Variants in KCND2 observed in about 807,000 individuals in gnomAD.
KCND2 encodes the protein A-type voltage-gated potassium channel KCND2.
KCND2 carries 16 observed loss-of-function variants against 54.4 expected under a neutral mutation model. The ratio of observed to expected loss-of-function variants is 0.29; its 90% CI spans 0.20 to 0.45. KCND2 has a LOEUF of 0.45. Among genes scored for constraint, KCND2 ranks in the 20% least tolerant of loss-of-function variants. The pLI, the probability that KCND2 is intolerant of heterozygous loss-of-function variation, is 1.00. For missense variants in KCND2, 486 were observed against 824.2 expected, an observed-to-expected ratio of 0.59 and a Z score of 5.02; for synonymous variants, 317 against 310.7, an observed-to-expected ratio of 1.02 and a Z score of -0.21.
At chr7:120,547,132 A>G (rs965416204) in intron 1 of KCND2, among the ~76,000 whole-genome samples, 7 of 152,050 alleles carry the variant, frequency 4.6e-5, no homozygotes, top group Non-Finnish European at 7.4e-5. Context: ...ATTATAAGAA[A>G]TCTACCTGAT....
chr7:120,601,628 G>A (rs1792814718), intron 1 of KCND2, among the ~76,000 whole-genome samples: 2 of 152,234 alleles, frequency 1.3e-5, no homozygotes, highest in Admixed American at 1.3e-4. Flanking sequence ...AGCTAAAGAA[G>A]TCTAACTCTA....
At chr7:120,479,930 G>T (rs1427547823) in intron 1 of KCND2, among the ~76,000 whole-genome samples, 5 of 141,404 alleles carry the variant, frequency 3.5e-5, no homozygotes, top group Admixed American at 7.5e-5. Context: ...TCGCGCCACT[G>T]CACTCCAGCC....
chr7:120,664,038 C>T (rs1414841446), intron 1 of KCND2, among the ~76,000 whole-genome samples: 2 of 150,572 alleles, frequency 1.3e-5, no homozygotes, highest in Admixed American at 1.3e-4. Flanking sequence ...TACCAAATCT[C>T]TTTTCCCAAA....
At chr7:120,722,246 A>G (rs1311484529) in intron 1 of KCND2, among the ~76,000 whole-genome samples, 1 of 152,180 alleles carries the variant, frequency 6.6e-6, no homozygotes, top group Admixed American at 6.5e-5. Context: ...ACAGGACAGG[A>G]GGAACCCAGG....
chr7:120,423,579 G>C (rs1235436114), intron 1 of KCND2, among the ~76,000 whole-genome samples: 1 of 152,142 alleles, frequency 6.6e-6, no homozygotes, highest in Non-Finnish European at 1.5e-5. Flanking sequence ...GCTGTGTATC[G>C]TGTCTCTGAA....
Position 120,346,181 on chromosome 7 carries a change from T to C in KCND2, c.1115+70434T>C, listed in dbSNP as rs151324741. On this transcript the variant is annotated intron_variant, in intron 1 of 5. Coordinates refer to ENST00000331113, the MANE Select transcript of KCND2 (RefSeq NM_012281.3). ...TGAGACCCTTTGGCCATTTTTTAAT[T>C]GTGTTATTTTGTTGTTGAGCTGCAG... 7.2e-4 allele frequency among the ~76,000 whole-genome samples: 109 copies of C among 152,302 alleles called. 1 individual carries two copies. The highest frequency in any genetic ancestry group is 1.4e-3 in the Non-Finnish European group (94 of 68,016).
intron 1 of KCND2, among the ~76,000 whole-genome samples, chr7:120,639,603 A>G (rs1156672209): frequency 6.6e-6 from 1 of 152,214 alleles, no homozygotes; most frequent in Admixed American, 6.5e-5. Flanking sequence ...ATACTTGTCC[A>G]TCATACTGAA....
chr7:120,682,938 A>G (rs1305972038), intron 1 of KCND2, among the ~76,000 whole-genome samples: 1 of 152,144 alleles, frequency 6.6e-6, no homozygotes, highest in Non-Finnish European at 1.5e-5. Context: ...TAAGCATCAC[A>G]TGTTCATAGA....
At chr7:120,395,339 G>T (rs1316136936) in intron 1 of KCND2, among the ~76,000 whole-genome samples, 1 of 151,916 alleles carries the variant, frequency 6.6e-6, no homozygotes, top group African/African-American at 2.4e-5. Flanking sequence ...TGATGGTTCT[G>T]GTTTTATTCC....
intron 1 of KCND2, among the ~76,000 whole-genome samples, chr7:120,423,372 C>T (rs1801655260): frequency 6.6e-6 from 1 of 152,198 alleles, no homozygotes; most frequent in African/African-American, 2.4e-5. Flanking sequence ...TCAAAGCTAT[C>T]TAAAAGATTT....
At chr7:120,461,023 G>C (rs567808475) in intron 1 of KCND2, among the ~76,000 whole-genome samples, 9 of 152,110 alleles carry the variant, frequency 5.9e-5, no homozygotes, top group Non-Finnish European at 8.8e-5. Flanking sequence ...TTAAACCTCT[G>C]TCTGCCTTTT....
intron 1 of KCND2, among the ~76,000 whole-genome samples, chr7:120,542,809 C>G (rs1235869844): frequency 1.3e-5 from 2 of 152,120 alleles, no homozygotes; most frequent in African/African-American, 2.4e-5. Flanking sequence ...TTTAACAATT[C>G]CTTGCATTAC....
chr7:120,617,519 G>A (rs1793042852), intron 1 of KCND2, among the ~76,000 whole-genome samples: 1 of 152,174 alleles, frequency 6.6e-6, no homozygotes, highest in African/African-American at 2.4e-5. Flanking sequence ...AGAGTAACAG[G>A]AATGCTTATA....
intron 1 of KCND2, among the ~76,000 whole-genome samples, chr7:120,282,323 A>G (rs1799278188): frequency 6.6e-6 from 1 of 152,200 alleles, no homozygotes. Context: ...TGCATAAAAT[A>G]GAATTTTTTA....
chr7:120,641,857 T>TA (rs78157203), intron 1 of KCND2, among the ~76,000 whole-genome samples: 58 of 133,484 alleles, frequency 4.3e-4, no homozygotes, highest in South Asian at 2.6e-3. Flanking sequence ...AAAAAGATAA[T>TA]AAAAAAAAAA....
chr7:120,741,000 A>C (rs1019481724), intron 2 of KCND2: 9 of 360,514 alleles, frequency 2.5e-5, no homozygotes, highest in Non-Finnish European at 3.8e-5. Context: ...AATTGCAAAA[A>C]TATAATTTTA....
chr7:120,536,536 C>T (rs902628086), intron 1 of KCND2, among the ~76,000 whole-genome samples: 19 of 152,012 alleles, frequency 1.2e-4, no homozygotes, highest in Admixed American at 6.6e-4. Context: ...CTTCTCATAC[C>T]CTGCATTGCT....
At chr7:120,403,100 G>A (rs1260139516) in intron 1 of KCND2, among the ~76,000 whole-genome samples, 3 of 152,140 alleles carry the variant, frequency 2.0e-5, no homozygotes, top group Admixed American at 6.5e-5. Flanking sequence ...CTTAGCCAAA[G>A]CTCCCAAGCT....
chr7:120,595,563 ATGTGTGTGTATATATATGTG>A (rs1334295922), intron 1 of KCND2, among the ~76,000 whole-genome samples: 2 of 127,622 alleles, frequency 1.6e-5, no homozygotes, highest in African/African-American at 5.8e-5. Flanking sequence ...GTGTATATAT[ATGTGTGTGTATATATATGTG>A]TGTGTGTGTA....
Sources: allele counts gnomAD v4.1 joint callset (sites outside exome capture counted in the v4.1 genomes callset), GRCh38; gene constraint gnomAD v4.1.1; transcripts MANE v1.5; gene names NCBI Gene and HGNC (gene_info 2026-07-23, HGNC 2026-07-21).